Variants in PPP1R7 observed in about 807,000 individuals in gnomAD.
PPP1R7 encodes the protein protein phosphatase 1 regulatory subunit 22.
A neutral mutation model predicts 45.2 loss-of-function variants in PPP1R7; 18 were observed. The ratio of observed to expected loss-of-function variants is 0.40; its 90% CI spans 0.28 to 0.59. The LOEUF is 0.59. Ranked by LOEUF, PPP1R7 falls within the 20% of genes least tolerant of loss-of-function variation. The pLI is 0.46. For synonymous variants in PPP1R7, 181 were observed against 183.4 expected (o/e 0.99, Z 0.11); for missense variants, 314 against 455.8 (o/e 0.69, Z 2.83).
chr2:241,182,414 G>T (rs1014236005), intron 9 of PPP1R7, among the ~76,000 whole-genome samples: 1 of 152,180 alleles, frequency 6.6e-6, no homozygotes, highest in Non-Finnish European at 1.5e-5. Context: ...ACTTGGCCCC[G>T]TCATAGTGAC....
chr2:241,150,998 G>A (rs953992345), intron 1 of PPP1R7, among the ~76,000 whole-genome samples: 1 of 152,216 alleles, frequency 6.6e-6, no homozygotes, highest in Non-Finnish European at 1.5e-5. Context: ...GGACTGTTGG[G>A]AAGGGGTAAC....
At chr2:241,153,712 G>A in intron 2 of PPP1R7, 108 bp downstream of exon 2, 6 of 1,437,156 alleles carry the variant, frequency 4.2e-6, no homozygotes, top group Non-Finnish European at 5.6e-6. Flanking sequence ...GAGAAGGACT[G>A]CCGTGCTCCT....
chr2:241,153,665 G>T, intron 2 of PPP1R7, 61 bp downstream of exon 2: 1 of 1,588,404 alleles, frequency 6.3e-7, no homozygotes, highest in Non-Finnish European at 8.6e-7. Flanking sequence ...TGTGCTGCAC[G>T]TGGTCTGGCC....
chr2:241,166,341 A>G lies in PPP1R7; in HGVS notation c.719A>G (p.Asn240Ser). 6.2e-7 allele frequency: 1 copy of G among 1,613,926 alleles called. No homozygotes were observed. Among genetic ancestry groups the G allele is most frequent in the Non-Finnish European group, 8.5e-7 (1 of 1,179,876 alleles). Residue 240 changes from asparagine (N) to serine (S), a missense_variant, in exon 8 of 10, where the codon AAC becomes AGC. Coordinates refer to ENST00000234038, the MANE Select transcript of PPP1R7 (RefSeq NM_002712.3). ...TGTGTGCTCTCCCTCTTGCAGAGCA[A>G]CCGGCTGACCAAGATCGAGGGTCTG... The part of the protein sequence containing the change: ...TNLTVLSMQS[N>S]RLTKIEGLQN...
chr2:241,182,004 A>G (rs959943717), intron 9 of PPP1R7, among the ~76,000 whole-genome samples: 1 of 149,028 alleles, frequency 6.7e-6, no homozygotes, highest in Non-Finnish European at 1.5e-5. Flanking sequence ...CTCTGTCTCA[A>G]AAAAAAAAAA....
intron 3 of PPP1R7, 84 bp downstream of exon 3, chr2:241,157,946 T>A: frequency 6.9e-7 from 1 of 1,440,644 alleles, no homozygotes; most frequent in Non-Finnish European, 9.7e-7. Flanking sequence ...GTAAGTTATT[T>A]CCCTAGAGAG....
At chr2:241,155,130 G>A (rs963741157) in intron 2 of PPP1R7, 2 of 152,224 alleles carry the variant, frequency 1.3e-5, no homozygotes, top group African/African-American at 4.8e-5. Flanking sequence ...AGCGGTAGGA[G>A]CCCCCGCTAT....
chr2:241,153,598 C>A lies in PPP1R7; in HGVS notation c.175C>A (p.Pro59Thr), dbSNP rs764410923. 3.7e-6 allele frequency: 6 copies of A among 1,613,592 alleles called. No individual in the cohort carries two copies. In the African/African-American group the frequency reaches 4.0e-5, roughly 11 times the overall value. The change falls in exon 2 of 10, where the codon CCA (proline) becomes ACA (threonine). Residue 59 changes from proline (P) to threonine (T), a missense_variant. By Grantham distance (38) the Pro-to-Thr change is conservative. Transcript: ENST00000234038. ...KDGEERGEED[P>T]EEEHELPVDM... ...TGGGGAGGAGCGGGGGGAGGAGGAC[C>A]CAGAAGGTACCAGGCCCAGCTCCCT... is the stretch of plus-strand genomic sequence containing the variant.
At chr2:241,162,813 G>A (rs1180661709) in intron 6 of PPP1R7, among the ~76,000 whole-genome samples, 1 of 151,924 alleles carries the variant, frequency 6.6e-6, no homozygotes, top group Non-Finnish European at 1.5e-5. Flanking sequence ...CTCCGGAGTA[G>A]CTGGAACTAC....
intron 4 of PPP1R7, 199 bp from the exon 5 acceptor site, chr2:241,159,014 C>T: frequency 1.6e-6 from 1 of 616,648 alleles, no homozygotes; most frequent in Non-Finnish European, 2.8e-6. Flanking sequence ...CCCGCCCTTC[C>T]TCAGGTGTGT....
rs1336414194 is a variant in PPP1R7 at position 241,153,621 on chromosome 2, C to T, written c.181+17C>T. The T allele has an allele frequency of 6.2e-7, 1 of 1,611,766 alleles. No homozygotes were observed. Among genetic ancestry groups the T allele is most frequent in the Non-Finnish European group, 8.5e-7 (1 of 1,178,728 alleles). On this transcript the variant is annotated intron_variant, in intron 2 of 9. Transcript: ENST00000234038. ...ACCCAGAAGGTACCAGGCCCAGCTC[C>T]CTTGGGGACATCTGCTGGTTGGGGG...
Position 241,150,512 on chromosome 2 carries a change from G to T in PPP1R7, c.17G>T (p.Gly6Val), listed in dbSNP as rs764859991. ...GCAGCCAACATGGCGGCGGAACGCG[G>T]CGCGGGGCAGCAACAGTCGCAGGAG... MAAER[G>V]AGQQQSQEMM... The change falls in exon 1 of 10, where the codon GGC becomes GTC. Residue 6 changes from glycine (G) to valine (V), a missense_variant. Transcript: ENST00000234038. 10 of 1,598,948 alleles carry T rather than the reference G, an allele frequency of 6.3e-6. No individual in the cohort carries two copies. Among genetic ancestry groups the T allele is most frequent in the South Asian group, 1.1e-5 (1 of 89,350 alleles).
At chr2:241,170,974 G>A (rs2067805611) in intron 9 of PPP1R7, among the ~76,000 whole-genome samples, 1 of 152,148 alleles carries the variant, frequency 6.6e-6, no homozygotes, top group South Asian at 2.1e-4. Context: ...AGTGCATAGG[G>A]AGTTGGCAAA....
chr2:241,179,258 G>A (rs1191278615), intron 9 of PPP1R7, among the ~76,000 whole-genome samples: 1 of 152,178 alleles, frequency 6.6e-6, no homozygotes, highest in East Asian at 1.9e-4. Context: ...CAAGGATCAT[G>A]CCACAGAGAA....
At chr2:241,167,183 G>GT (rs1456773709) in intron 8 of PPP1R7, 7 of 1,028,782 alleles carry the variant, frequency 6.8e-6, no homozygotes, top group Non-Finnish European at 9.7e-6. Context: ...AATTTTACTT[G>GT]TTTTTTTCTG....
intron 9 of PPP1R7, among the ~76,000 whole-genome samples, chr2:241,172,638 C>T (rs533944104): frequency 0.018 from 2,692 of 149,612 alleles, 88 homozygotes; most frequent in African/African-American, 0.062. Flanking sequence ...AGTGAAACTC[C>T]GTCTCAAAAA....
intron 9 of PPP1R7, among the ~76,000 whole-genome samples, chr2:241,182,124 C>T (rs924488107): frequency 3.3e-5 from 5 of 152,206 alleles, no homozygotes; most frequent in Non-Finnish European, 7.3e-5. Context: ...CACCTGCTCA[C>T]GATTTGTGTC....
intron 8 of PPP1R7, among the ~76,000 whole-genome samples, chr2:241,166,818 A>G (rs181245508): frequency 1.3e-5 from 2 of 152,242 alleles, no homozygotes; most frequent in Admixed American, 6.5e-5. Context: ...AGGGCCCTGT[A>G]TGAGGGTGAC....
At chr2:241,171,855 C>T (rs1286249611) in intron 9 of PPP1R7, among the ~76,000 whole-genome samples, 1 of 152,182 alleles carries the variant, frequency 6.6e-6, no homozygotes, top group African/African-American at 2.4e-5. Context: ...AACACAGCCC[C>T]TTCATCTGTC....
Sources: gnomAD v4.1 joint callset for allele counts (sites outside exome capture counted in the v4.1 genomes callset) on GRCh38, gnomAD v4.1.1 for gene constraint, MANE v1.5 for transcripts, NCBI Gene and HGNC (gene_info 2026-07-23, HGNC 2026-07-21) for gene names.